Variants in ITPR1 observed in about 807,000 individuals in gnomAD.
ITPR1 encodes the protein inositol 1,4,5-trisphosphate receptor type 1.
A neutral mutation model predicts 318.4 loss-of-function variants in ITPR1; 96 were observed. The ratio of observed to expected loss-of-function variants is 0.30; its 90% CI spans 0.26 to 0.36. The LOEUF is 0.36. Ranked by LOEUF, ITPR1 falls within the 10% of genes least tolerant of loss-of-function variation. ITPR1 has a pLI of 1.00. For missense variants in ITPR1, 2,440 were observed against 3,460.2 expected (o/e 0.71, Z 7.40); for synonymous variants, 1,312 against 1,289.9 (o/e 1.02, Z -0.37).
intron 56 of ITPR1, among the ~76,000 whole-genome samples, chr3:4,811,883 G>C (rs2048962306): frequency 6.6e-6 from 1 of 152,224 alleles, no homozygotes; most frequent in Non-Finnish European, 1.5e-5. Context: ...GTTGGAAGCA[G>C]TGTAAATGTT....
At chr3:4,496,316 T>C (rs2080562532) in intron 2 of ITPR1, among the ~76,000 whole-genome samples, 1 of 16,234 alleles carries the variant, frequency 6.2e-5, no homozygotes, top group Admixed American at 4.4e-4. Context: ...TTCAAGTTCA[T>C]GTGTGTGTGT....
In ITPR1 at chr3:4,504,866, G is replaced by A. The variant is rs546391217; in HGVS notation, c.-17+10360G>A. Among the ~76,000 whole-genome samples, 8 of 152,244 alleles carry A rather than the reference G, an allele frequency of 5.3e-5. No homozygotes were observed. The East Asian group carries it at 5.8e-4, about 11-fold the overall frequency. On this transcript the variant is annotated intron_variant, in intron 2 of 61. Transcript: ENST00000649015. ...ATATATGTACCTGGGTGAGGGCATCGCAGGGAGACTTGTGCTCACTCTGTA... is the reference window on the plus strand; with the variant it reads ...ATATATGTACCTGGGTGAGGGCATCACAGGGAGACTTGTGCTCACTCTGTA...
At chr3:4,554,601 A>G (rs1575514429) in intron 4 of ITPR1, among the ~76,000 whole-genome samples, 1 of 152,076 alleles carries the variant, frequency 6.6e-6, no homozygotes, top group African/African-American at 2.4e-5. Flanking sequence ...AAGGAGTGAC[A>G]GTGTGGCTAC....
At position 4,685,105 on chromosome 3, in the gene ITPR1, A is replaced by C. The variant is rs367882836; in HGVS notation, c.3601A>C (p.Ser1201Arg). Residue 1201 changes from serine (S) to arginine (R), a missense_variant, in exon 30 of 62, where the codon AGT (serine) becomes CGT (arginine). Ser to Arg is a moderately radical substitution (Grantham distance 110). Coordinates refer to ENST00000649015, the MANE Select transcript of ITPR1 (RefSeq NM_001378452.1). ...IRLSKLCVQE[S>R]ASVRKSRKQQ... The stretch of plus-strand genomic sequence containing the variant: ...GCTTAGCAAACTCTGTGTTCAAGAG[A>C]GTGCCTCAGTGAGAAAGAGCAGGAA... The C allele has an allele frequency of 6.2e-7, 1 of 1,611,228 alleles. No individual in the cohort carries two copies. The highest frequency in any genetic ancestry group is 1.3e-5 in the African/African-American group (1 of 75,010).
intron 4 of ITPR1, among the ~76,000 whole-genome samples, chr3:4,609,436 C>T (rs1334037887): frequency 6.6e-6 from 1 of 152,048 alleles, no homozygotes; most frequent in Non-Finnish European, 1.5e-5. Context: ...TTGAGTAAGT[C>T]CTGATTCGTC....
rs538738717 is a variant in ITPR1, at chr3:4,707,432, G to A, written c.4842+1081G>A. ...GACTGAAACATCTCCATATAGCCTG[G>A]GCTTCCTCACATCATGGCGGCTGTG... On this transcript the variant is annotated intron_variant, in intron 37 of 61. Transcript: ENST00000649015. Among the ~76,000 whole-genome samples, 6 of 152,272 alleles carry A rather than the reference G, an allele frequency of 3.9e-5. No homozygotes were observed. In the South Asian group the frequency reaches 8.3e-4, roughly 21 times the overall value.
chr3:4,567,988 C>T (rs1559462814), intron 4 of ITPR1, among the ~76,000 whole-genome samples: 1 of 43,868 alleles, frequency 2.3e-5, no homozygotes, highest in East Asian at 6.9e-4. Flanking sequence ...GGTGAGAGTG[C>T]TGCTCAGTAG....
intron 8 of ITPR1, among the ~76,000 whole-genome samples, chr3:4,644,582 C>G (rs926206418): frequency 2.0e-5 from 3 of 152,180 alleles, no homozygotes; most frequent in Admixed American, 1.3e-4. Flanking sequence ...TACAGGGTGC[C>G]TCTTTTTAAC....
chr3:4,612,202 C>T lies in ITPR1; in HGVS notation c.164-15561C>T, dbSNP rs559184938. On this transcript the variant is annotated intron_variant, in intron 4 of 61. Transcript: ENST00000649015. ...TCAGCCTCCCGAGTAGCTGGGATTA[C>T]AGGCGCCCACCACCACGCCTGGCTA... Among the ~76,000 whole-genome samples, 4 of 151,248 alleles carry T rather than the reference C, an allele frequency of 2.6e-5. No individual in the cohort carries two copies. In the South Asian group the frequency reaches 6.3e-4, roughly 24 times the overall value.
At chr3:4,830,853 GC>G (rs1174120620) in intron 60 of ITPR1, 5 of 445,038 alleles carry the variant, frequency 1.1e-5, no homozygotes, top group Admixed American at 9.9e-5. Flanking sequence ...TTGCCCTCAA[GC>G]CCCCCTCACC....
At chr3:4,809,812 T>C (rs1226739678) in intron 55 of ITPR1, among the ~76,000 whole-genome samples, 2 of 152,226 alleles carry the variant, frequency 1.3e-5, no homozygotes, top group Non-Finnish European at 2.9e-5. Flanking sequence ...CATTTGTTTG[T>C]TGTCTGAAGT....
chr3:4,800,304 G>C, intron 53 of ITPR1, 121 bp from the exon 54 acceptor site: 1 of 911,556 alleles, frequency 1.1e-6, no homozygotes, highest in Middle Eastern at 3.4e-4. Context: ...TTTGAGGTGA[G>C]AGTTGGGACT....
intron 51 of ITPR1, among the ~76,000 whole-genome samples, chr3:4,785,352 G>A (rs2047114682): frequency 6.6e-6 from 1 of 152,198 alleles, no homozygotes; most frequent in African/African-American, 2.4e-5. Flanking sequence ...GAGCAGTAAG[G>A]AATGATGTGT....
chr3:4,641,433 G>C (rs779756420), intron 6 of ITPR1, among the ~76,000 whole-genome samples: 22 of 152,186 alleles, frequency 1.4e-4, no homozygotes, highest in Non-Finnish European at 5.9e-5. Flanking sequence ...CTGGAGTACA[G>C]TGGTGTGATT....
At chr3:4,748,764 A>G (rs917278813) in intron 44 of ITPR1, among the ~76,000 whole-genome samples, 2 of 152,236 alleles carry the variant, frequency 1.3e-5, no homozygotes, top group African/African-American at 4.8e-5. Flanking sequence ...AAGTGTTAAG[A>G]GAACGCGGTG....
rs138999567 is a variant in ITPR1, at chr3:4,515,748, A to G, written c.-16-728A>G. ...GCTTTTTCTAAGACTGCCTCTAACT[A>G]GCTGCGTGTTCCTGGGCAGGGAACC... is the stretch of plus-strand genomic sequence containing the variant. On this transcript the variant is annotated intron_variant, in intron 2 of 61. Transcript: ENST00000649015. Among the ~76,000 whole-genome samples, 200 of 152,274 alleles carry G rather than the reference A, an allele frequency of 1.3e-3. 2 individuals carry two copies. The highest frequency in any genetic ancestry group is 4.5e-3 in the African/African-American group (189 of 41,540).
chr3:4,525,045 T>C (rs1019630679), intron 4 of ITPR1, among the ~76,000 whole-genome samples: 1 of 152,210 alleles, frequency 6.6e-6, no homozygotes, highest in Non-Finnish European at 1.5e-5. Context: ...TACTTGTAAA[T>C]CTCATGTTTA....
intron 4 of ITPR1, among the ~76,000 whole-genome samples, chr3:4,611,858 A>G (rs1027555714): frequency 2.6e-5 from 4 of 152,142 alleles, no homozygotes; most frequent in Non-Finnish European, 5.9e-5. Flanking sequence ...TTCCTATTGT[A>G]AAAATAATTT....
chr3:4,739,888 G>A (rs1224751617), intron 44 of ITPR1, among the ~76,000 whole-genome samples: 1 of 152,140 alleles, frequency 6.6e-6, no homozygotes, highest in Non-Finnish European at 1.5e-5. Flanking sequence ...GAGCTCAGCT[G>A]GGGGTACTGC....
Sources: gnomAD v4.1 joint callset for allele counts (sites outside exome capture counted in the v4.1 genomes callset) on GRCh38, gnomAD v4.1.1 for gene constraint, MANE v1.5 for transcripts, NCBI Gene and HGNC (gene_info 2026-07-23, HGNC 2026-07-21) for gene names.